RPS6KC1: variants seen among roughly 807,000 people sequenced by gnomAD.
RPS6KC1 encodes inactive ribosomal protein S6 kinase delta-1.
A neutral mutation model predicts 103.8 loss-of-function variants in RPS6KC1; 54 were observed. The ratio of observed to expected loss-of-function variants is 0.52; its 90% CI spans 0.42 to 0.65. The LOEUF is 0.65. Ranked by LOEUF, RPS6KC1 falls within the 30% of genes least tolerant of loss-of-function variation. The probability of loss-of-function intolerance (pLI) is 0.00; values close to 1 mark genes in which losing one functional copy is unlikely to be tolerated. For synonymous variants in RPS6KC1, 439 were observed against 438.7 expected, an observed-to-expected ratio of 1.00 and a Z score of -0.01; for missense variants, 1,151 against 1,253.8, an observed-to-expected ratio of 0.92 and a Z score of 1.24.
the RPS6KC1 span, among the ~76,000 whole-genome samples, chr1:213,516,804 A>G: frequency 6.6e-6 from 1 of 152,234 alleles, no homozygotes. Flanking sequence ...AAGGAATGGT[A>G]CCAGCTCCTC....
At chr1:213,331,679 G>A in the RPS6KC1 span, among the ~76,000 whole-genome samples, 1 of 152,288 alleles carries the variant, frequency 6.6e-6, no homozygotes, top group African/African-American at 2.4e-5. Flanking sequence ...GTCTGCACAG[G>A]GAAGTCGGTG....
At chr1:213,103,229 G>A (rs2082168032) in intron 3 of RPS6KC1, among the ~76,000 whole-genome samples, 1 of 151,482 alleles carries the variant, frequency 6.6e-6, no homozygotes, top group East Asian at 1.9e-4. Context: ...TTCATTGTAA[G>A]ACATTTATTT....
intron 3 of RPS6KC1, among the ~76,000 whole-genome samples, chr1:213,098,588 TA>T (rs79396643): frequency 6.6e-6 from 1 of 152,116 alleles, no homozygotes; most frequent in East Asian, 1.9e-4. Flanking sequence ...GGAGATTGGG[TA>T]CAGCTGGTTG....
chr1:213,759,957 C>T, the RPS6KC1 span, among the ~76,000 whole-genome samples: 1 of 152,166 alleles, frequency 6.6e-6, no homozygotes, highest in Admixed American at 6.6e-5. Flanking sequence ...GATTTGGGTG[C>T]AAGCAGCTGC....
chr1:213,670,054 T>G, the RPS6KC1 span, among the ~76,000 whole-genome samples: 1 of 151,920 alleles, frequency 6.6e-6, no homozygotes, highest in Non-Finnish European at 1.5e-5. Flanking sequence ...AAACTTTTTA[T>G]GGGTTTTAGT....
intron 3 of RPS6KC1, among the ~76,000 whole-genome samples, chr1:213,080,525 G>A (rs184840897): frequency 8.5e-5 from 13 of 152,174 alleles, no homozygotes; most frequent in South Asian, 2.1e-4. Flanking sequence ...AATTAAGCTC[G>A]TAATGTATAG....
chr1:213,250,386 C>A (rs1164048536), intron 12 of RPS6KC1, among the ~76,000 whole-genome samples: 1 of 152,134 alleles, frequency 6.6e-6, no homozygotes, highest in Non-Finnish European at 1.5e-5. Flanking sequence ...TCAACAAATA[C>A]AGCATTTGAA....
At chr1:213,514,434 T>C in the RPS6KC1 span, among the ~76,000 whole-genome samples, 1 of 137,346 alleles carries the variant, frequency 7.3e-6, no homozygotes, top group Admixed American at 8.3e-5. Context: ...CCTCTGTCCA[T>C]GTGTTCTCAT....
At chr1:213,251,606 C>G (rs920889321) in intron 12 of RPS6KC1, among the ~76,000 whole-genome samples, 1 of 152,156 alleles carries the variant, frequency 6.6e-6, no homozygotes, top group African/African-American at 2.4e-5. Context: ...TTGTTTCTTC[C>G]TGCTGCTGAG....
chr1:213,542,106 C>T, the RPS6KC1 span, among the ~76,000 whole-genome samples: 1 of 152,148 alleles, frequency 6.6e-6, no homozygotes, highest in Non-Finnish European at 1.5e-5. Context: ...AATAATTGAT[C>T]CACTTATAAA....
chr1:213,431,655 A>ATGTGTGTGTGTG, the RPS6KC1 span, among the ~76,000 whole-genome samples: 17 of 141,638 alleles, frequency 1.2e-4, no homozygotes, highest in African/African-American at 3.8e-4. Context: ...GTTTGTGTGT[A>ATGTGTGTGTGTG]TGTGTGTGTG....
chr1:213,240,200 A>G (rs1471736672), intron 10 of RPS6KC1, among the ~76,000 whole-genome samples: 1 of 152,176 alleles, frequency 6.6e-6, no homozygotes, highest in Non-Finnish European at 1.5e-5. Flanking sequence ...CCACATGCCA[A>G]ATTCCTCCAA....
At chr1:213,681,266 G>C in the RPS6KC1 span, among the ~76,000 whole-genome samples, 3 of 152,230 alleles carry the variant, frequency 2.0e-5, no homozygotes, top group African/African-American at 7.2e-5. Context: ...TCACAGTGGG[G>C]CTGGGTGTGA....
At chr1:213,356,787 C>T in the RPS6KC1 span, among the ~76,000 whole-genome samples, 7 of 152,366 alleles carry the variant, frequency 4.6e-5, no homozygotes, top group South Asian at 1.4e-3. Flanking sequence ...TTTCTCAGAT[C>T]CCTCAGCCTG....
At chr1:213,325,310 T>C in the RPS6KC1 span, among the ~76,000 whole-genome samples, 1 of 152,180 alleles carries the variant, frequency 6.6e-6, no homozygotes, top group Non-Finnish European at 1.5e-5. Context: ...ATTGGCCAAA[T>C]AGCTTGGTGC....
the RPS6KC1 span, among the ~76,000 whole-genome samples, chr1:213,799,314 G>A: frequency 6.6e-6 from 1 of 152,230 alleles, no homozygotes; most frequent in African/African-American, 2.4e-5. Context: ...AGCTCCCTTG[G>A]TTAATGTGTT....
At chr1:213,734,412 GC>G in the RPS6KC1 span, among the ~76,000 whole-genome samples, 1 of 150,990 alleles carries the variant, frequency 6.6e-6, no homozygotes, top group Non-Finnish European at 1.5e-5. Flanking sequence ...TTTATTCTTA[GC>G]TTTTACTAAT....
At chr1:213,829,995 T>C in the RPS6KC1 span, among the ~76,000 whole-genome samples, 2 of 152,214 alleles carry the variant, frequency 1.3e-5, no homozygotes, top group African/African-American at 2.4e-5. Flanking sequence ...GCATACATTT[T>C]CAGCTTCCTG....
chr1:213,154,648 A>G (rs956435039), intron 6 of RPS6KC1, among the ~76,000 whole-genome samples: 5 of 152,192 alleles, frequency 3.3e-5, no homozygotes, highest in Non-Finnish European at 5.9e-5. Flanking sequence ...CCTTGAGGGT[A>G]GTGGGTTCCC....
Sources: gnomAD v4.1 joint callset for allele counts (sites outside exome capture counted in the v4.1 genomes callset) on GRCh38, gnomAD v4.1.1 for gene constraint, MANE v1.5 for transcripts, NCBI Gene and HGNC (gene_info 2026-07-23, HGNC 2026-07-21) for gene names.